KLHL8: variants seen among roughly 807,000 people sequenced by gnomAD.
KLHL8 encodes kelch like family member 8.
A neutral mutation model predicts 63.5 loss-of-function variants in KLHL8; 38 were observed. The ratio of observed to expected loss-of-function variants is 0.60; its 90% CI spans 0.46 to 0.78. The LOEUF (loss-of-function observed/expected upper bound fraction) is 0.78. KLHL8 is among the 30% of genes least tolerant of loss of function. The probability of loss-of-function intolerance (pLI) is 0.00; values close to 1 mark genes in which losing one functional copy is unlikely to be tolerated. For missense variants in KLHL8, 566 were observed against 752.4 expected (o/e 0.75, Z 2.90); for synonymous variants, 224 against 254.3 (o/e 0.88, Z 1.13).
At chr4:87,215,523 C>T (rs1251799992) in intron 1 of KLHL8, among the ~76,000 whole-genome samples, 2 of 152,144 alleles carry the variant, frequency 1.3e-5, no homozygotes, top group African/African-American at 2.4e-5. Flanking sequence ...AAAGACATTA[C>T]TTGATGGACA....
chr4:87,174,729 C>G (rs193088395), intron 6 of KLHL8, among the ~76,000 whole-genome samples: 1 of 152,172 alleles, frequency 6.6e-6, no homozygotes, highest in Admixed American at 6.5e-5. Flanking sequence ...TAAGCTCAGT[C>G]TTTGAAATCC....
chr4:87,208,355 C>T (rs1732243079), intron 1 of KLHL8, among the ~76,000 whole-genome samples: 2 of 151,652 alleles, frequency 1.3e-5, no homozygotes, highest in Admixed American at 6.6e-5. Flanking sequence ...GAGTTGTCTT[C>T]TTCTTCTTTT....
At chr4:87,231,271 CCTTT>C (rs759528335) in intron 1 of KLHL8, among the ~76,000 whole-genome samples, 1 of 152,134 alleles carries the variant, frequency 6.6e-6, no homozygotes, top group African/African-American at 2.4e-5. Flanking sequence ...GACTTTCTTC[CCTTT>C]CTTTCTTTCT....
At chr4:87,192,453 A>G (rs1470000097) in intron 2 of KLHL8, among the ~76,000 whole-genome samples, 2 of 151,888 alleles carry the variant, frequency 1.3e-5, no homozygotes, top group Non-Finnish European at 2.9e-5. Context: ...CCTACTTTTT[A>G]CTGTACCTTT....
intron 1 of KLHL8, chr4:87,207,136 G>T: frequency 1.8e-6 from 1 of 548,296 alleles, no homozygotes; most frequent in South Asian, 1.5e-5. Context: ...TTGGATGCCT[G>T]GTCACCAGGG....
intron 1 of KLHL8, among the ~76,000 whole-genome samples, chr4:87,200,138 C>CAAAAAAAAA (rs61605160): frequency 2.6e-4 from 19 of 73,696 alleles, no homozygotes; most frequent in East Asian, 3.8e-4. Context: ...GAGACTGCCT[C>CAAAAAAAAA]AAAAAAAAAA....
intron 1 of KLHL8, among the ~76,000 whole-genome samples, chr4:87,213,624 ATC>A (rs1202832384): frequency 6.6e-6 from 1 of 152,158 alleles, no homozygotes; most frequent in Non-Finnish European, 1.5e-5. Context: ...AAGTTACCTA[ATC>A]TCTCTGTGTC....
chr4:87,222,087 C>T (rs981347864), upstream of KLHL8, among the ~76,000 whole-genome samples: 3 of 152,154 alleles, frequency 2.0e-5, no homozygotes, highest in Non-Finnish European at 2.9e-5. Context: ...CAAATGATGT[C>T]GTTCTCTGAA....
chr4:87,214,459 T>A (rs866840725), intron 1 of KLHL8, among the ~76,000 whole-genome samples: 34 of 129,064 alleles, frequency 2.6e-4, no homozygotes, highest in African/African-American at 7.6e-4. Context: ...TATATATATA[T>A]AATTGTCATC....
intron 1 of KLHL8, among the ~76,000 whole-genome samples, chr4:87,229,351 T>C (rs1733093648): frequency 6.6e-6 from 1 of 152,024 alleles, no homozygotes; most frequent in Non-Finnish European, 1.5e-5. Flanking sequence ...CAGCAGCCAT[T>C]TACACATCAG....
rs143830613 is a variant in KLHL8 at position 87,167,369 on chromosome 4, T to C, written c.1537+2710A>G. 4.2e-3 allele frequency: 1,841 copies of C among 441,672 alleles called. 35 individuals are homozygous for C. Among genetic ancestry groups the C allele is most frequent in the African/African-American group, 0.03 (1,499 of 49,320 alleles). 27.4% of individuals were successfully genotyped at this position (441,672 alleles called of 1,614,324 possible). On this transcript the variant is annotated intron_variant, in intron 8 of 9. Coordinates refer to ENST00000273963, the MANE Select transcript of KLHL8 (RefSeq NM_020803.5). ...ATTTATAAAGAGCCATCTACAGATA[T>C]GGTTTTATTCATCCTGGTCATGGAG...
At chr4:87,211,798 G>A (rs1410846707) in intron 1 of KLHL8, among the ~76,000 whole-genome samples, 1 of 152,196 alleles carries the variant, frequency 6.6e-6, no homozygotes, top group African/African-American at 2.4e-5. Context: ...ACCCAATGGA[G>A]AGATCTAGTA....
At chr4:87,167,459 T>C in intron 8 of KLHL8, 1 of 503,766 alleles carries the variant, frequency 2.0e-6, no homozygotes, top group Non-Finnish European at 4.0e-6. Context: ...TTCTGCCCCA[T>C]CAAGCCAATT....
chr4:87,218,057 C>A (rs1732666958), intron 1 of KLHL8, among the ~76,000 whole-genome samples: 1 of 152,194 alleles, frequency 6.6e-6, no homozygotes, highest in Middle Eastern at 3.4e-3. Context: ...GATGTGATAA[C>A]ATGTCAATGT....
chr4:87,176,424 T>C (rs147435348), intron 6 of KLHL8, among the ~76,000 whole-genome samples: 26 of 152,360 alleles, frequency 1.7e-4, no homozygotes, highest in African/African-American at 6.3e-4. Context: ...TCATCCTCAG[T>C]TGAGAACCAC....
chr4:87,167,485 G>A (rs1730447435), intron 8 of KLHL8: 1 of 525,350 alleles, frequency 1.9e-6, no homozygotes, highest in Admixed American at 2.1e-5. Context: ...AAGGAAAGAG[G>A]AGGCTGGGAG....
chr4:87,164,955 T>C (rs956497171), intron 8 of KLHL8, among the ~76,000 whole-genome samples: 33 of 151,924 alleles, frequency 2.2e-4, no homozygotes, highest in African/African-American at 4.4e-4. Context: ...GAGACCATCC[T>C]GGCTAACACG....
intron 1 of KLHL8, among the ~76,000 whole-genome samples, chr4:87,201,141 T>C (rs1731903634): frequency 6.6e-6 from 1 of 152,164 alleles, no homozygotes; most frequent in Non-Finnish European, 1.5e-5. Context: ...AAAGAAGATG[T>C]TCAATGGGTA....
intron 1 of KLHL8, among the ~76,000 whole-genome samples, chr4:87,202,190 T>C (rs908413185): frequency 1.3e-5 from 2 of 150,054 alleles, no homozygotes; most frequent in South Asian, 4.2e-4. Flanking sequence ...CAAAATAAAC[T>C]CAAAGCAAGC....
Sources: gnomAD v4.1 joint callset for allele counts (sites outside exome capture counted in the v4.1 genomes callset) on GRCh38, gnomAD v4.1.1 for gene constraint, MANE v1.5 for transcripts, NCBI Gene and HGNC (gene_info 2026-07-23, HGNC 2026-07-21) for gene names.